The following ANKRD11 variants were observed in gnomAD, a reference collection of about 807,000 sequenced individuals.
ANKRD11 encodes ankyrin repeat domain 11, also known as ankyrin repeat domain-containing protein 11.
ANKRD11 carries 17 observed loss-of-function variants against 195.7 expected under a neutral mutation model. The observed-to-expected ratio is 0.09, with a 90% CI of 0.06 to 0.13. The LOEUF (loss-of-function observed/expected upper bound fraction) is 0.13, where lower values mean the gene tolerates loss of function less well. ANKRD11 is among the 10% of genes least tolerant of loss of function. The pLI, the probability that ANKRD11 is intolerant of heterozygous loss-of-function variation, is 1.00. For missense variants in ANKRD11, 3,735 were observed against 3,566.1 expected (o/e 1.05, Z -1.21); for synonymous variants, 1,953 against 1,528.1 (o/e 1.28, Z -6.49).
At chr16:89,378,636 T>C (rs913964411) in intron 2 of ANKRD11, among the ~76,000 whole-genome samples, 3 of 152,306 alleles carry the variant, frequency 2.0e-5, no homozygotes, top group East Asian at 3.9e-4. Flanking sequence ...CTTCTCTTGT[T>C]TGAAGACACT....
intron 12 of ANKRD11, 106 bp from the exon 13 acceptor site, chr16:89,268,769 A>C: frequency 3.7e-6 from 5 of 1,354,836 alleles, no homozygotes; most frequent in Non-Finnish European, 5.1e-6. Context: ...ACGGCCGTGA[A>C]CCTACCCTGG....
At chr16:89,433,483 C>A (rs542784360) in intron 1 of ANKRD11, among the ~76,000 whole-genome samples, 1 of 152,228 alleles carries the variant, frequency 6.6e-6, no homozygotes, top group Non-Finnish European at 1.5e-5. Flanking sequence ...AACAGAGACA[C>A]GGCGTTGGCC....
intron 4 of ANKRD11, among the ~76,000 whole-genome samples, chr16:89,302,609 G>C (rs1460237082): frequency 6.6e-6 from 1 of 152,126 alleles, no homozygotes; most frequent in African/African-American, 2.4e-5. Context: ...GATAAGCAAC[G>C]CTCCACACTC....
At chr16:89,400,107 A>C (rs1431739119) in intron 2 of ANKRD11, among the ~76,000 whole-genome samples, 6 of 21,668 alleles carry the variant, frequency 2.8e-4, no homozygotes, top group African/African-American at 1.1e-3. Flanking sequence ...GCGCTGGGGG[A>C]CGGTCATCTG....
intron 2 of ANKRD11, among the ~76,000 whole-genome samples, chr16:89,347,670 T>C (rs1206804567): frequency 1.3e-5 from 2 of 152,042 alleles, no homozygotes; most frequent in Non-Finnish European, 2.9e-5. Context: ...TTACATTCTA[T>C]TTCTCCTTAT....
rs920431588 is a variant in ANKRD11, at chr16:89,375,435, C to T, written c.-60+42849G>A. Among the ~76,000 whole-genome samples the T allele has an allele frequency of 4.0e-5, 6 of 150,854 alleles. No homozygotes were observed. In the Admixed American group the frequency reaches 4.0e-4, roughly 10 times the overall value. On this transcript the variant is annotated intron_variant, in intron 2 of 12. Transcript: ENST00000301030. ...TGCCTGTGACAAGCCGCTGCGCTCC[C>T]GCCCAGGCAACACAGCAAGACTCTA...
intron 2 of ANKRD11, among the ~76,000 whole-genome samples, chr16:89,399,483 G>A (rs2041603459): frequency 6.6e-6 from 1 of 152,218 alleles, no homozygotes; most frequent in African/African-American, 2.4e-5. Context: ...ACAAAGATCA[G>A]CGAATGCCAG....
chr16:89,314,943 T>A (rs2036856074), intron 3 of ANKRD11, among the ~76,000 whole-genome samples: 1 of 152,036 alleles, frequency 6.6e-6, no homozygotes, highest in Admixed American at 6.6e-5. Context: ...CATCAGACCC[T>A]CAAGGGCACA....
intron 1 of ANKRD11, among the ~76,000 whole-genome samples, chr16:89,461,277 T>C (rs955793025): frequency 6.7e-6 from 1 of 148,254 alleles, no homozygotes; most frequent in African/African-American, 2.5e-5. Flanking sequence ...GTCGAGGTTA[T>C]GGGGAGAGGG....
chr16:89,270,556 C>T (rs985158933), intron 12 of ANKRD11: 22 of 523,898 alleles, frequency 4.2e-5, no homozygotes, highest in African/African-American at 4.0e-4. Flanking sequence ...ACCATCAAGC[C>T]TAGGGTCCTG....
chr16:89,311,076 G>A (rs2036582984), intron 3 of ANKRD11, among the ~76,000 whole-genome samples: 1 of 152,182 alleles, frequency 6.6e-6, no homozygotes, highest in Non-Finnish European at 1.5e-5. Flanking sequence ...TCTATTCCTA[G>A]TTTGCAGAAT....
intron 2 of ANKRD11, among the ~76,000 whole-genome samples, chr16:89,398,158 G>A (rs1045571464): frequency 3.6e-4 from 54 of 148,682 alleles, no homozygotes; most frequent in African/African-American, 1.1e-3. Flanking sequence ...GACTACCTGT[G>A]ACCTCAGCAC....
intron 2 of ANKRD11, among the ~76,000 whole-genome samples, chr16:89,392,133 A>G (rs1433997626): frequency 3.3e-5 from 5 of 152,210 alleles, no homozygotes; most frequent in Admixed American, 1.3e-4. Context: ...AACCGGACAC[A>G]GCAGTTGGTA....
chr16:89,296,833 C>T lies in ANKRD11; in HGVS notation c.227-5650G>A, dbSNP rs550202115. Among the ~76,000 whole-genome samples, 5 of 151,948 alleles carry T rather than the reference C, an allele frequency of 3.3e-5. No individual in the cohort carries two copies. In the South Asian group the frequency reaches 8.3e-4, roughly 25 times the overall value. ...CCCAGGGAGTGTGGGGCACTTCCAGCAGCATAAAACAGCACAAATCCAAAT... is the reference window on the plus strand; with the variant it reads ...CCCAGGGAGTGTGGGGCACTTCCAGTAGCATAAAACAGCACAAATCCAAAT... On this transcript the variant is annotated intron_variant, in intron 4 of 12. Coordinates refer to ENST00000301030, the MANE Select transcript of ANKRD11 (RefSeq NM_013275.6).
chr16:89,458,460 G>A (rs541494913), intron 1 of ANKRD11, among the ~76,000 whole-genome samples: 9 of 152,250 alleles, frequency 5.9e-5, no homozygotes, highest in African/African-American at 1.9e-4. Flanking sequence ...TCCTGACCTC[G>A]TGATCCGCCC....
At chr16:89,321,434 A>G (rs1375690498) in intron 2 of ANKRD11, among the ~76,000 whole-genome samples, 1 of 24,994 alleles carries the variant, frequency 4.0e-5, no homozygotes, top group African/African-American at 1.9e-4. Context: ...CGGGGCCTGC[A>G]GGGCAGGGTG....
intron 1 of ANKRD11, among the ~76,000 whole-genome samples, chr16:89,448,834 G>A (rs778093006): frequency 2.0e-5 from 3 of 152,062 alleles, no homozygotes; most frequent in Non-Finnish European, 4.4e-5. Flanking sequence ...CCCGGCATGC[G>A]GGCAGGGCAG....
At chr16:89,334,142 T>A (rs12932637) in intron 2 of ANKRD11, among the ~76,000 whole-genome samples, 1 of 19,228 alleles carries the variant, frequency 5.2e-5, no homozygotes, top group Non-Finnish European at 1.1e-4. Flanking sequence ...AACCCTGTGT[T>A]TTAAAAAAAA....
intron 2 of ANKRD11, among the ~76,000 whole-genome samples, chr16:89,401,511 T>G (rs1449514661): frequency 6.6e-6 from 1 of 152,220 alleles, no homozygotes; most frequent in Non-Finnish European, 1.5e-5. Flanking sequence ...ACATGATATA[T>G]TCAACATTTT....
Sources: allele counts gnomAD v4.1 joint callset (sites outside exome capture counted in the v4.1 genomes callset), GRCh38; gene constraint gnomAD v4.1.1; transcripts MANE v1.5; gene names NCBI Gene and HGNC (gene_info 2026-07-23, HGNC 2026-07-21).